The following CNTNAP4 variants were observed in gnomAD, a reference collection of about 807,000 sequenced individuals.
CNTNAP4 encodes the protein contactin-associated protein-like 4.
Under a neutral mutation model 148.4 loss-of-function variants are expected in CNTNAP4, and 98 were observed. The ratio of observed to expected loss-of-function variants is 0.66; its 90% CI spans 0.56 to 0.78. The LOEUF (loss-of-function observed/expected upper bound fraction) is 0.78. CNTNAP4 is among the 30% of genes least tolerant of loss of function. CNTNAP4 has a pLI of 0.00. For missense variants in CNTNAP4, 1,935 were observed against 1,565.6 expected (o/e 1.24, Z -3.98); for synonymous variants, 730 against 565.1 (o/e 1.29, Z -4.14).
At position 76,409,968 on chromosome 16, in the gene CNTNAP4, T is replaced by C. The variant is rs555710930; in HGVS notation, c.391-17484T>C. On this transcript the variant is annotated intron_variant, in intron 3 of 23. Coordinates refer to ENST00000611870, the MANE Select transcript of CNTNAP4 (RefSeq NM_033401.5). The stretch of plus-strand genomic sequence containing the variant: ...ATGTTAATCTCTTCATCTTACTTAA[T>C]TTGGATATCAGACTTTGGAAGTAAG... 8.6e-5 allele frequency among the ~76,000 whole-genome samples: 13 copies of C among 152,044 alleles called. No individual in the cohort carries two copies. In the East Asian group the frequency reaches 2.3e-3, roughly 27 times the overall value.
intron 3 of CNTNAP4, among the ~76,000 whole-genome samples, chr16:76,413,167 A>G (rs1414013112): frequency 6.0e-5 from 9 of 151,094 alleles, no homozygotes; most frequent in Non-Finnish European, 1.3e-4. Flanking sequence ...GACTATAGTC[A>G]CCCTGTTGTG....
chr16:76,361,211 A>ATTATAGTGTTG (rs2013401891), intron 3 of CNTNAP4, among the ~76,000 whole-genome samples: 2 of 152,192 alleles, frequency 1.3e-5, no homozygotes, highest in Non-Finnish European at 2.9e-5. Flanking sequence ...ACTGTTCACT[A>ATTATAGTGTTG]TAAGCACAGT....
rs554825246 is a variant in CNTNAP4, at chr16:76,531,432, A to G, written c.2756-4113A>G. Among the ~76,000 whole-genome samples the G allele has an allele frequency of 1.2e-3, 183 of 152,306 alleles. 4 individuals are homozygous for G. In the South Asian group the frequency reaches 0.037, roughly 31 times the overall value. ...AGATGCAGGCCCTCAATACCATTGC[A>G]TAAGTGGACAGGTTCAGTTAAACTC... On this transcript the variant is annotated intron_variant, in intron 17 of 23. Coordinates refer to ENST00000611870, the MANE Select transcript of CNTNAP4 (RefSeq NM_033401.5).
intron 11 of CNTNAP4, among the ~76,000 whole-genome samples, chr16:76,479,116 A>G (rs1216528613): frequency 2.6e-5 from 4 of 152,076 alleles, no homozygotes; most frequent in Non-Finnish European, 5.9e-5. Context: ...TTAAACACCT[A>G]CCTTCTCTTT....
At chr16:76,400,448 T>G (rs2078368355) in intron 3 of CNTNAP4, among the ~76,000 whole-genome samples, 1 of 152,202 alleles carries the variant, frequency 6.6e-6, no homozygotes, top group Admixed American at 6.5e-5. Flanking sequence ...ATATTAGGCT[T>G]CTGTCTGATG....
At chr16:76,489,641 C>A in intron 12 of CNTNAP4, 45 bp from the exon 13 acceptor site, 3 of 1,083,702 alleles carry the variant, frequency 2.8e-6, no homozygotes, top group Non-Finnish European at 3.8e-6. Flanking sequence ...CTTTTGCAGA[C>A]TAGTGATGGT....
intron 1 of CNTNAP4, among the ~76,000 whole-genome samples, chr16:76,294,582 A>T (rs1959191357): frequency 6.6e-6 from 1 of 152,208 alleles, no homozygotes. Flanking sequence ...ATGTTAAAAA[A>T]TTTCTTAGTA....
rs1324692732 is a variant in CNTNAP4 at position 76,553,920 on chromosome 16, A to G, written c.3733+13A>G. ...GCAGTAATTGGAGGTAATAAGAAGCATGAATGAGCTCTTCTTTGGTTGTTC... is the reference window on the plus strand; with the variant it reads ...GCAGTAATTGGAGGTAATAAGAAGCGTGAATGAGCTCTTCTTTGGTTGTTC... On this transcript the variant is annotated intron_variant, in intron 23 of 23. Transcript: ENST00000611870. 3 of 1,509,652 alleles carry G rather than the reference A, an allele frequency of 2.0e-6. No individual in the cohort carries two copies. The highest frequency in any genetic ancestry group is 3.4e-5 in the Admixed American group (2 of 59,404). 93.5% of individuals were successfully genotyped at this position (1,509,652 alleles called of 1,614,324 possible). A position where few individuals can be genotyped will look rare whatever the true frequency, so the allele number is the denominator to read the frequency against.
At chr16:76,322,422 C>A (rs577625648) in intron 2 of CNTNAP4, among the ~76,000 whole-genome samples, 2 of 152,306 alleles carry the variant, frequency 1.3e-5, no homozygotes, top group African/African-American at 4.8e-5. Flanking sequence ...TCTTCTCTTT[C>A]GTATTCTTTC....
chr16:76,348,021 C>G (rs142654509), intron 2 of CNTNAP4, among the ~76,000 whole-genome samples: 1 of 152,034 alleles, frequency 6.6e-6, no homozygotes, highest in African/African-American at 2.4e-5. Context: ...GAGAGACTTA[C>G]TAGGTGACTG....
At chr16:76,429,557 A>G (rs1202290456) in intron 4 of CNTNAP4, among the ~76,000 whole-genome samples, 1 of 152,208 alleles carries the variant, frequency 6.6e-6, no homozygotes. Context: ...AACCTAGGAT[A>G]TAAACTCAAT....
At chr16:76,327,143 A>C (rs1048033119) in intron 2 of CNTNAP4, among the ~76,000 whole-genome samples, 4 of 152,066 alleles carry the variant, frequency 2.6e-5, no homozygotes, top group African/African-American at 9.7e-5. Flanking sequence ...GGTATGACTG[A>C]ATTCGTCACC....
chr16:76,428,833 A>G (rs1467791310), intron 4 of CNTNAP4, among the ~76,000 whole-genome samples: 2 of 152,128 alleles, frequency 1.3e-5, no homozygotes, highest in African/African-American at 4.8e-5. Context: ...AGTGCTTATT[A>G]TATGCACTAT....
At chr16:76,293,739 C>G (rs1959177033) in intron 1 of CNTNAP4, among the ~76,000 whole-genome samples, 1 of 150,910 alleles carries the variant, frequency 6.6e-6, no homozygotes, top group South Asian at 2.1e-4. Context: ...ATTTCATATG[C>G]TAGGCAAAAT....
Position 76,505,913 on chromosome 16 carries a change from T to C in CNTNAP4, c.2365+7219T>C, listed in dbSNP as rs1374056164. Among the ~76,000 whole-genome samples the C allele has an allele frequency of 3.1e-5, 3 of 96,000 alleles. 1 individual carries two copies. The highest frequency in any genetic ancestry group is 1.0e-4 in the Admixed American group (1 of 9,918). The allele number at this position is 96,000 out of a possible 152,430, so 63.0% of individuals were successfully genotyped here. On this transcript the variant is annotated intron_variant, in intron 15 of 23. Coordinates refer to ENST00000611870, the MANE Select transcript of CNTNAP4 (RefSeq NM_033401.5). Reference sequence around the variant, plus strand: ...AGACCTTGTCTCTTACAAAACAAAATTGGGTCATCAAAACAAACAGAGAAA... The same window carrying C: ...AGACCTTGTCTCTTACAAAACAAAACTGGGTCATCAAAACAAACAGAGAAA...
chr16:76,315,514 A>G (rs16944202), intron 1 of CNTNAP4, among the ~76,000 whole-genome samples: 14,060 of 152,220 alleles, frequency 0.092, 2,121 homozygotes, highest in African/African-American at 0.32. Flanking sequence ...TCTAATGTCC[A>G]TAAACTAGTA....
At chr16:76,393,733 C>T (rs1403816371) in intron 3 of CNTNAP4, among the ~76,000 whole-genome samples, 1 of 152,034 alleles carries the variant, frequency 6.6e-6, no homozygotes, top group Non-Finnish European at 1.5e-5. Context: ...AGAGGGTATC[C>T]TGGGCTGTGT....
At chr16:76,452,902 G>A (rs1272717509) in intron 8 of CNTNAP4, 133 bp downstream of exon 8, 3 of 830,736 alleles carry the variant, frequency 3.6e-6, no homozygotes, top group African/African-American at 3.5e-5. Context: ...AAGATTATAA[G>A]TACTCTTCCT....
chr16:76,443,190 A>G (rs1432688067), intron 4 of CNTNAP4, among the ~76,000 whole-genome samples: 1 of 152,166 alleles, frequency 6.6e-6, no homozygotes, highest in Non-Finnish European at 1.5e-5. Flanking sequence ...CTAATGAACA[A>G]ATTCACAGTT....
Sources: allele counts gnomAD v4.1 joint callset (sites outside exome capture counted in the v4.1 genomes callset), GRCh38; gene constraint gnomAD v4.1.1; transcripts MANE v1.5; gene names NCBI Gene and HGNC (gene_info 2026-07-23, HGNC 2026-07-21).